PLA2R1: variants seen among roughly 807,000 people sequenced by gnomAD.
The protein encoded by PLA2R1 is secretory phospholipase A2 receptor.
A neutral mutation model predicts 195.9 loss-of-function variants in PLA2R1; 158 were observed. The ratio of observed to expected loss-of-function variants is 0.81; its 90% CI spans 0.71 to 0.92. PLA2R1 has a LOEUF of 0.92. PLA2R1 is among the 40% of genes least tolerant of loss of function. PLA2R1 has a pLI of 0.00. For synonymous variants in PLA2R1, 586 were observed against 598.2 expected, an observed-to-expected ratio of 0.98 and a Z score of 0.30; for missense variants, 1,626 against 1,764.6, an observed-to-expected ratio of 0.92 and a Z score of 1.41.
chr2:159,929,016 G>A (rs1686535991), downstream of PLA2R1, among the ~76,000 whole-genome samples: 1 of 152,150 alleles, frequency 6.6e-6, no homozygotes, highest in Non-Finnish European at 1.5e-5. Flanking sequence ...ATGAATCAAG[G>A]ACTTACATCT....
chr2:159,978,434 A>G (rs1410906366), intron 14 of PLA2R1, among the ~76,000 whole-genome samples: 2 of 152,208 alleles, frequency 1.3e-5, no homozygotes, highest in African/African-American at 4.8e-5. Flanking sequence ...ATATAGCCTC[A>G]GGTTCAGAAA....
intron 22 of PLA2R1, 96 bp from the exon 23 acceptor site, chr2:159,955,442 C>A (rs1469247534): frequency 1.3e-6 from 1 of 749,434 alleles, no homozygotes; most frequent in East Asian, 3.0e-5. Flanking sequence ...AATTAAGACA[C>A]CATTATTCCT....
chr2:159,955,460 C>A, intron 22 of PLA2R1, 114 bp from the exon 23 acceptor site: 1 of 661,914 alleles, frequency 1.5e-6, no homozygotes, highest in Non-Finnish European at 2.4e-6. Flanking sequence ...CCTTTATTCG[C>A]ATTTAATAAA....
At chr2:160,050,364 C>T (rs1161566851) in intron 1 of PLA2R1, among the ~76,000 whole-genome samples, 1 of 152,180 alleles carries the variant, frequency 6.6e-6, no homozygotes, top group African/African-American at 2.4e-5. Flanking sequence ...AGGAGACTCA[C>T]TTCACCCATA....
intron 8 of PLA2R1, 86 bp from the exon 9 acceptor site, chr2:160,016,798 G>T (rs942735861): frequency 2.9e-6 from 2 of 700,334 alleles, no homozygotes; most frequent in African/African-American, 3.6e-5. Context: ...AAAATATGAT[G>T]AATAATGTGC....
intron 17 of PLA2R1, among the ~76,000 whole-genome samples, chr2:159,975,726 G>T (rs1298702649): frequency 6.6e-6 from 1 of 151,948 alleles, no homozygotes; most frequent in Non-Finnish European, 1.5e-5. Flanking sequence ...AGGAATTTGG[G>T]TCTTTTTTAA....
At chr2:160,053,291 G>C (rs576611546) in intron 1 of PLA2R1, among the ~76,000 whole-genome samples, 2 of 147,870 alleles carry the variant, frequency 1.4e-5, no homozygotes, top group East Asian at 4.1e-4. Flanking sequence ...ATTTTAACTT[G>C]TTTACCTCTG....
chr2:160,002,298 G>C (rs1691658149), intron 11 of PLA2R1, among the ~76,000 whole-genome samples: 1 of 151,930 alleles, frequency 6.6e-6, no homozygotes, highest in Non-Finnish European at 1.5e-5. Context: ...AACTCAAGCA[G>C]CACTTGGAAG....
chr2:159,928,955 A>G (rs536297291), downstream of PLA2R1, among the ~76,000 whole-genome samples: 22 of 152,248 alleles, frequency 1.4e-4, no homozygotes, highest in South Asian at 1.2e-3. Context: ...CCACATGTAG[A>G]AGAATGAAAC....
At chr2:159,996,847 A>G (rs1691247558) in intron 11 of PLA2R1, among the ~76,000 whole-genome samples, 1 of 151,950 alleles carries the variant, frequency 6.6e-6, no homozygotes, top group African/African-American at 2.4e-5. Flanking sequence ...CATTTCTGTT[A>G]TGGTGTTTTT....
Position 159,949,757 on chromosome 2 carries a change from C to A in PLA2R1, c.3560G>T (p.Trp1187Leu). The A allele has an allele frequency of 6.2e-7, 1 of 1,613,860 alleles. No homozygotes were observed. The highest frequency in any genetic ancestry group is 8.5e-7 in the Non-Finnish European group (1 of 1,179,804). Residue 1187 changes from tryptophan (W) to leucine (L), a missense_variant, in exon 25 of 30, where the codon TGG becomes TTG. Coordinates refer to ENST00000283243, the MANE Select transcript of PLA2R1 (RefSeq NM_007366.5). ...FTTDNGLNFD[W>L]SDGTKSSFTF... ...GAAAGAAGATTTGGTGCCATCAGAC[C>A]AGTCAAAATTAAGACCATTCTGTGG...
At position 159,999,545 on chromosome 2, in the gene PLA2R1, T is replaced by C. The variant is rs1415144844; in HGVS notation, c.1834+6107A>G. On this transcript the variant is annotated intron_variant, in intron 11 of 29. Coordinates refer to ENST00000283243, the MANE Select transcript of PLA2R1 (RefSeq NM_007366.5). ...ACGCCCGGCTAATTTTTTGTATTTT[T>C]AGTAGAGACGGGGTTTCACCGTTCT... Among the ~76,000 whole-genome samples, 6 of 24,886 alleles carry C rather than the reference T, an allele frequency of 2.4e-4. 3 individuals are homozygous for C. The highest frequency in any genetic ancestry group is 6.0e-4 in the African/African-American group (2 of 3,322). The allele number at this position is 24,886 out of a possible 152,430, so 16.3% of individuals were successfully genotyped here.
chr2:159,987,885 G>C (rs1438721525), intron 11 of PLA2R1, among the ~76,000 whole-genome samples: 1 of 152,160 alleles, frequency 6.6e-6, no homozygotes, highest in African/African-American at 2.4e-5. Context: ...TCCGGGGGCA[G>C]GGACAAGGCA....
At chr2:160,041,392 T>G (rs1183550500) in intron 3 of PLA2R1, among the ~76,000 whole-genome samples, 1 of 151,942 alleles carries the variant, frequency 6.6e-6, no homozygotes, top group Non-Finnish European at 1.5e-5. Context: ...AATGAAATAA[T>G]AAGGCACTAA....
At chr2:160,011,569 T>C (rs1692359750) in intron 10 of PLA2R1, among the ~76,000 whole-genome samples, 3 of 151,934 alleles carry the variant, frequency 2.0e-5, no homozygotes, top group Admixed American at 2.0e-4. Flanking sequence ...TCAATGAACA[T>C]TAAACAAAAA....
intron 25 of PLA2R1, among the ~76,000 whole-genome samples, chr2:159,948,489 C>T (rs1035911265): frequency 6.6e-6 from 1 of 151,706 alleles, no homozygotes; most frequent in Admixed American, 6.6e-5. Context: ...CCTGCTTCTG[C>T]CTCCCAAAGT....
chr2:159,975,928 G>A (rs937981745), intron 17 of PLA2R1, 140 bp downstream of exon 17: 1 of 693,862 alleles, frequency 1.4e-6, no homozygotes, highest in African/African-American at 1.8e-5. Flanking sequence ...AAAATCTATG[G>A]CTTTACTGAA....
At chr2:160,020,002 G>A in intron 8 of PLA2R1, 104 bp downstream of exon 8, 1 of 709,372 alleles carries the variant, frequency 1.4e-6, no homozygotes. Flanking sequence ...ATGAGGAACA[G>A]GGACTGCACC....
At chr2:160,028,665 A>T (rs1693668658) in intron 5 of PLA2R1, among the ~76,000 whole-genome samples, 185 bp downstream of exon 5, 1 of 152,200 alleles carries the variant, frequency 6.6e-6, no homozygotes, top group Non-Finnish European at 1.5e-5. Flanking sequence ...ACTTTGGCTA[A>T]AAAGCTTATC....
Sources: allele counts gnomAD v4.1 joint callset (sites outside exome capture counted in the v4.1 genomes callset), GRCh38; gene constraint gnomAD v4.1.1; transcripts MANE v1.5; gene names NCBI Gene and HGNC (gene_info 2026-07-23, HGNC 2026-07-21).